Variants in CCSER1 observed in about 807,000 individuals in gnomAD.
CCSER1 encodes coiled-coil serine rich protein 1.
CCSER1 carries 41 observed loss-of-function variants against 82.0 expected under a neutral mutation model. The observed-to-expected ratio is 0.50, with a 90% CI of 0.39 to 0.65. The LOEUF is 0.65. Ranked by LOEUF, CCSER1 falls within the 30% of genes least tolerant of loss-of-function variation. The pLI is 0.00. For synonymous variants in CCSER1, 414 were observed against 383.9 expected, an observed-to-expected ratio of 1.08 and a Z score of -0.92; for missense variants, 1,119 against 1,064.2, an observed-to-expected ratio of 1.05 and a Z score of -0.72.
chr4:90,849,055 A>T (rs1217266655), intron 8 of CCSER1, among the ~76,000 whole-genome samples: 1 of 152,202 alleles, frequency 6.6e-6, no homozygotes, highest in East Asian at 1.9e-4. Context: ...ACAGACTAAT[A>T]CAGTAAATTG....
chr4:91,194,887 TTAAG>T (rs1450318227), intron 10 of CCSER1, among the ~76,000 whole-genome samples: 2 of 152,220 alleles, frequency 1.3e-5, no homozygotes, highest in Non-Finnish European at 2.9e-5. Context: ...AGGAAAATCT[TTAAG>T]TGTTTTTGTT....
At chr4:90,238,790 A>T (rs114505824) in intron 1 of CCSER1, among the ~76,000 whole-genome samples, 1,904 of 152,228 alleles carry the variant, frequency 0.013, 28 homozygotes, top group African/African-American at 0.037. Flanking sequence ...GGAGCTCTAT[A>T]GGAATTAAAT....
chr4:91,496,391 C>T (rs757252776), intron 10 of CCSER1, among the ~76,000 whole-genome samples: 1 of 150,078 alleles, frequency 6.7e-6, no homozygotes, highest in Non-Finnish European at 1.5e-5. Context: ...ATAACAGTTA[C>T]TAAACATATG....
At position 90,249,051 on chromosome 4, in the gene CCSER1, G is replaced by A. The variant is rs532945900; in HGVS notation, c.-41-59193G>A. 2.0e-5 allele frequency among the ~76,000 whole-genome samples: 3 copies of A among 147,320 alleles called. No homozygotes were observed. The South Asian group carries it at 6.6e-4, about 33-fold the overall frequency. On this transcript the variant is annotated intron_variant, in intron 1 of 10. Transcript: ENST00000509176. The stretch of plus-strand genomic sequence containing the variant: ...TGAGTCATAGACTGCAGTAGCAAAT[G>A]TCTAGATTATAATTACAGGAAAATA...
rs112655736 is a variant in CCSER1, at chr4:90,639,484, G to A, written c.1932+11252G>A. 2.9e-3 allele frequency among the ~76,000 whole-genome samples: 440 copies of A among 152,096 alleles called. 2 individuals carry two copies. The highest frequency in any genetic ancestry group is 0.01 in the African/African-American group (420 of 41,524). ...ATGTCAATTGAATTTCCTGTTTAGA[G>A]TCAACATATACTGTGGTTGTTCCAG... On this transcript the variant is annotated intron_variant, in intron 6 of 10. Transcript: ENST00000509176.
chr4:90,479,893 G>A (rs1368359388), intron 5 of CCSER1, among the ~76,000 whole-genome samples: 1 of 152,182 alleles, frequency 6.6e-6, no homozygotes, highest in East Asian at 1.9e-4. Flanking sequence ...TATATACCCA[G>A]TAATGGGATG....
intron 8 of CCSER1, among the ~76,000 whole-genome samples, chr4:90,835,704 G>C (rs1462587083): frequency 6.6e-6 from 1 of 152,088 alleles, no homozygotes; most frequent in Non-Finnish European, 1.5e-5. Context: ...CAAGATGACA[G>C]CTTAGGGAAA....
intron 10 of CCSER1, among the ~76,000 whole-genome samples, chr4:91,248,962 G>A (rs1528584): frequency 0.56 from 84,827 of 151,874 alleles, 24,714 homozygotes; most frequent in African/African-American, 0.75. Context: ...GACATTCTCT[G>A]TAGAGGTGGG....
intron 10 of CCSER1, among the ~76,000 whole-genome samples, chr4:91,124,718 A>G (rs1414309237): frequency 6.6e-6 from 1 of 151,844 alleles, no homozygotes; most frequent in African/African-American, 2.4e-5. Flanking sequence ...AATGTTTGCT[A>G]TAGAAGCAGA....
At chr4:91,084,963 A>G (rs1438849919) in intron 9 of CCSER1, among the ~76,000 whole-genome samples, 3 of 152,108 alleles carry the variant, frequency 2.0e-5, no homozygotes, top group African/African-American at 7.2e-5. Context: ...TAACTATGAA[A>G]TACTTAACTA....
At chr4:91,508,986 C>T (rs1051159982) in intron 10 of CCSER1, among the ~76,000 whole-genome samples, 7 of 151,282 alleles carry the variant, frequency 4.6e-5, no homozygotes, top group African/African-American at 1.7e-4. Context: ...TGTGTTCTCT[C>T]TTTCTAGTCA....
intron 8 of CCSER1, among the ~76,000 whole-genome samples, chr4:90,914,065 G>C (rs1235416156): frequency 6.6e-6 from 1 of 152,240 alleles, no homozygotes; most frequent in Non-Finnish European, 1.5e-5. Flanking sequence ...ACACCCCACT[G>C]TCAACATTAG....
intron 8 of CCSER1, among the ~76,000 whole-genome samples, chr4:90,854,988 A>AGTGT (rs137938428): frequency 0.019 from 2,881 of 151,164 alleles, 80 homozygotes; most frequent in African/African-American, 0.058. Context: ...GGCACGAGAG[A>AGTGT]GTGTGTGTGT....
intron 10 of CCSER1, among the ~76,000 whole-genome samples, chr4:91,538,555 A>T (rs999614280): frequency 6.6e-6 from 1 of 151,562 alleles, no homozygotes; most frequent in Non-Finnish European, 1.5e-5. Context: ...GACCACAGAC[A>T]TAGAGAGGTA....
At position 91,094,004 on chromosome 4, in the gene CCSER1, C is replaced by T. The variant is rs531687980; in HGVS notation, c.2217+8010C>T. Among the ~76,000 whole-genome samples, 67 of 152,284 alleles carry T rather than the reference C, an allele frequency of 4.4e-4. 2 individuals carry two copies. In the South Asian group the frequency reaches 0.01, roughly 23 times the overall value. Reference sequence around the variant, plus strand: ...TGACCCCAGGCTGTGCTTCTCTTTCCGAATAGTGAATCCCAGGTAGCGTAC... The same window carrying T: ...TGACCCCAGGCTGTGCTTCTCTTTCTGAATAGTGAATCCCAGGTAGCGTAC... On this transcript the variant is annotated intron_variant, in intron 10 of 10. Transcript: ENST00000509176.
In CCSER1 at chr4:90,977,009, T is replaced by C. The variant is rs757610151; in HGVS notation, c.2172+53562T>C. On this transcript the variant is annotated intron_variant, in intron 9 of 10. Coordinates refer to ENST00000509176, the MANE Select transcript of CCSER1 (RefSeq NM_001145065.2). ...GACACAGCTGTGCTTAATAAAAATA[T>C]AAATAGAAAAAATTGAGTGAAGCTT... Among the ~76,000 whole-genome samples the C allele has an allele frequency of 4.6e-5, 7 of 151,586 alleles. 1 individual carries two copies. The South Asian group carries it at 8.3e-4, about 18-fold the overall frequency.
At chr4:91,475,397 T>C (rs1037532848) in intron 10 of CCSER1, among the ~76,000 whole-genome samples, 1 of 151,820 alleles carries the variant, frequency 6.6e-6, no homozygotes. Flanking sequence ...AAGGCGCACA[T>C]TTAATATTGG....
At chr4:90,956,987 C>T (rs1390572617) in intron 9 of CCSER1, among the ~76,000 whole-genome samples, 1 of 149,990 alleles carries the variant, frequency 6.7e-6, no homozygotes, top group African/African-American at 2.5e-5. Flanking sequence ...CTATGTTGCC[C>T]AGGCTGGTCT....
intron 8 of CCSER1, among the ~76,000 whole-genome samples, chr4:90,891,419 T>C (rs887444307): frequency 3.3e-5 from 5 of 151,650 alleles, no homozygotes; most frequent in Middle Eastern, 3.5e-3. Context: ...ATAGTACTGG[T>C]AATATATATT....
Sources: allele counts gnomAD v4.1 joint callset (sites outside exome capture counted in the v4.1 genomes callset), GRCh38; gene constraint gnomAD v4.1.1; transcripts MANE v1.5; gene names NCBI Gene and HGNC (gene_info 2026-07-23, HGNC 2026-07-21).